The following TATDN2 variants were observed in gnomAD, a reference collection of about 807,000 sequenced individuals.
TATDN2 encodes 3'-5' RNA nuclease TATDN2.
A neutral mutation model predicts 60.3 loss-of-function variants in TATDN2; 44 were observed. The ratio of observed to expected loss-of-function variants is 0.73; its 90% confidence interval spans 0.57 to 0.94. The LOEUF is 0.94. TATDN2 is among the 40% of genes least tolerant of loss of function. The pLI, the probability that TATDN2 is intolerant of heterozygous loss-of-function variation, is 0.00. For missense variants in TATDN2, 997 were observed against 948.0 expected (o/e 1.05, Z -0.68); for synonymous variants, 399 against 355.8 (o/e 1.12, Z -1.37).
chr3:10,267,245 C>T (rs1698490900), intron 3 of TATDN2, among the ~76,000 whole-genome samples: 1 of 150,610 alleles, frequency 6.6e-6, no homozygotes, highest in African/African-American at 2.5e-5. Context: ...TATCGGCAGT[C>T]TCCTCCTATT....
At chr3:10,250,328 T>C (rs1442939802) in intron 2 of TATDN2, among the ~76,000 whole-genome samples, 1 of 151,938 alleles carries the variant, frequency 6.6e-6, no homozygotes, top group African/African-American at 2.4e-5. Flanking sequence ...CAAATATGTG[T>C]TGAGGGTTTA....
rs373691791 is a variant in TATDN2, at chr3:10,260,249, A to G, written c.527A>G (p.Asp176Gly). Residue 176 changes from aspartate to glycine, a missense_variant, in exon 3 of 8, where the codon GAT (aspartate) becomes GGT (glycine). Coordinates refer to ENST00000448281, the MANE Select transcript of TATDN2 (RefSeq NM_014760.4). Reference sequence around the variant, plus strand: ...AACAAGGTCCAGAAAAGGAAGAGGGATAGACTTCGAGACCAGGGCTCCACA... The same window carrying G: ...AACAAGGTCCAGAAAAGGAAGAGGGGTAGACTTCGAGACCAGGGCTCCACA... ...EPNKVQKRKRDRLRDQGSTMI... is the reference protein window; with the variant it reads ...EPNKVQKRKRGRLRDQGSTMI... 6.2e-6 allele frequency: 10 copies of G among 1,614,098 alleles called. No homozygotes were observed. The highest frequency in any genetic ancestry group is 8.5e-6 in the Non-Finnish European group (10 of 1,180,058).
intron 4 of TATDN2, among the ~76,000 whole-genome samples, chr3:10,275,271 G>A (rs928770172): frequency 6.6e-6 from 1 of 152,022 alleles, no homozygotes; most frequent in Admixed American, 6.6e-5. Flanking sequence ...GAGCCACCAC[G>A]CCTGGTGAAT....
intron 4 of TATDN2, among the ~76,000 whole-genome samples, chr3:10,275,941 C>T (rs1303002700): frequency 1.3e-5 from 2 of 152,126 alleles, no homozygotes; most frequent in African/African-American, 2.4e-5. Context: ...CTCTTGAGAG[C>T]GGAGGTGGGG....
intron 2 of TATDN2, among the ~76,000 whole-genome samples, chr3:10,259,856 G>A (rs963134528): frequency 7.2e-5 from 11 of 152,190 alleles, no homozygotes; most frequent in African/African-American, 2.7e-4. Flanking sequence ...TGCCTTCCAG[G>A]AGCTTGCAGT....
intron 2 of TATDN2, among the ~76,000 whole-genome samples, chr3:10,251,122 G>A (rs1258705897): frequency 1.3e-5 from 2 of 152,042 alleles, no homozygotes; most frequent in Non-Finnish European, 2.9e-5. Flanking sequence ...CCAATTTAAT[G>A]GTTTCAGTAG....
chr3:10,270,519 G>T lies in TATDN2; in HGVS notation c.1337G>T (p.Arg446Leu), dbSNP rs140057507. 3 of 1,614,196 alleles carry T rather than the reference G, an allele frequency of 1.9e-6. No homozygotes were observed. The East Asian group carries it at 6.7e-5, about 36-fold the overall frequency. ...ASEEGWSQNS[R>L]SFRFSRSSEE... is the part of the protein sequence containing the mutation. ...GAGGAAGGCTGGTCCCAGAATTCTC[G>T]TTCATTTCGCTTCTCCAGAAGCTCA... The change falls in exon 4 of 8, where the codon CGT (arginine) becomes CTT (leucine). Residue 446 changes from arginine to leucine, a missense_variant. By Grantham distance (102) the Arg-to-Leu change is moderately radical. Coordinates refer to ENST00000448281, the MANE Select transcript of TATDN2 (RefSeq NM_014760.4).
At chr3:10,256,829 G>A (rs1386776229) in intron 2 of TATDN2, among the ~76,000 whole-genome samples, 1 of 151,764 alleles carries the variant, frequency 6.6e-6, no homozygotes, top group East Asian at 2.0e-4. Flanking sequence ...TGGGACGGAG[G>A]CAAGGACATG....
intron 3 of TATDN2, among the ~76,000 whole-genome samples, chr3:10,266,931 C>CATTTTTTTT (rs1698484691): frequency 7.9e-6 from 1 of 126,904 alleles, no homozygotes; most frequent in Non-Finnish European, 1.6e-5. Flanking sequence ...CTAAGGCAGT[C>CATTTTTTTT]TTTTTTTTTT....
chr3:10,249,642 G>C, intron 2 of TATDN2, 28 bp downstream of exon 2: 4 of 1,498,826 alleles, frequency 2.7e-6, no homozygotes, highest in Non-Finnish European at 3.6e-6. Context: ...TTTGCAATCG[G>C]TGAAGCCCCT....
intron 4 of TATDN2, among the ~76,000 whole-genome samples, chr3:10,275,583 A>G (rs1698623596): frequency 6.6e-6 from 1 of 152,134 alleles, no homozygotes; most frequent in African/African-American, 2.4e-5. Context: ...CATCTCTACA[A>G]ACAAATACAG....
Position 10,249,602 on chromosome 3 carries a change from C to CTG in TATDN2, c.403_404dup (p.Ser136AlafsTer51). On this transcript the variant is annotated frameshift_variant, in exon 2 of 8. Coordinates refer to ENST00000448281, the MANE Select transcript of TATDN2 (RefSeq NM_014760.4). LOFTEE classifies it high-confidence loss of function. ...AAATGGCTTCTCTAGAGGAGGAAGC[C>CTG]TGCAGCCTTAAGGTAGGTGGCTGCC... 1 of 1,519,024 alleles carries CTG rather than the reference C, an allele frequency of 6.6e-7. No individual in the cohort carries two copies. The highest frequency in any genetic ancestry group is 8.8e-7 in the Non-Finnish European group (1 of 1,134,816). 94.1% of individuals were successfully genotyped at this position (1,519,024 alleles called of 1,614,324 possible). A position where few individuals can be genotyped will look rare whatever the true frequency, so the allele number is the denominator to read the frequency against.
At position 10,250,887 on chromosome 3, in the gene TATDN2, T is replaced by C. The variant is rs910782150; in HGVS notation, c.414+1273T>C. 3.3e-5 allele frequency among the ~76,000 whole-genome samples: 5 copies of C among 152,190 alleles called. No homozygotes were observed. In the East Asian group the frequency reaches 9.6e-4, roughly 29 times the overall value. ...TGGGTACAGCATAAAATAATACCAGTTGATTCAATTTAGCTTCACTGACAA... is the reference window on the plus strand; with the variant it reads ...TGGGTACAGCATAAAATAATACCAGCTGATTCAATTTAGCTTCACTGACAA... On this transcript the variant is annotated intron_variant, in intron 2 of 7. Coordinates refer to ENST00000448281, the MANE Select transcript of TATDN2 (RefSeq NM_014760.4).
intron 2 of TATDN2, among the ~76,000 whole-genome samples, chr3:10,250,650 T>G (rs868371922): frequency 6.6e-6 from 1 of 152,238 alleles, no homozygotes; most frequent in Non-Finnish European, 1.5e-5. Flanking sequence ...ACTCATAGGC[T>G]AAGTGCCCCT....
At chr3:10,257,294 T>TTATATATATACATATATATATATATA (rs1698321848) in intron 2 of TATDN2, among the ~76,000 whole-genome samples, 1 of 133,546 alleles carries the variant, frequency 7.5e-6, no homozygotes, top group South Asian at 2.5e-4. Context: ...CAAAAAAAAA[T>TTATATATATACATATATATATATATA]TATATATATA....
chr3:10,260,392 C>G lies in TATDN2; in HGVS notation c.670C>G (p.Pro224Ala), dbSNP rs147562335. ...AAEHPSHGEG[P>A]ARSEGPAKTA... Reference sequence around the variant, plus strand: ...AGAGCATCCCAGCCATGGAGAAGGACCAGCCAGGAGTGAAGGACCAGCCAA... The same window carrying G: ...AGAGCATCCCAGCCATGGAGAAGGAGCAGCCAGGAGTGAAGGACCAGCCAA... The change falls in exon 3 of 8, where the codon CCA becomes GCA. Residue 224 changes from proline (P) to alanine (A), a missense_variant. By Grantham distance (27) the Pro-to-Ala change is conservative (BLOSUM62 -1). Coordinates refer to ENST00000448281, the MANE Select transcript of TATDN2 (RefSeq NM_014760.4). The G allele has an allele frequency of 2.0e-4, 315 of 1,613,700 alleles. 2 individuals carry two copies. In the African/African-American group the frequency reaches 3.7e-3, roughly 19 times the overall value.
intron 4 of TATDN2, among the ~76,000 whole-genome samples, chr3:10,274,066 C>T (rs1444845099): frequency 6.6e-6 from 1 of 152,172 alleles, no homozygotes; most frequent in Admixed American, 6.5e-5. Context: ...AGTTAGGAAG[C>T]CAACCTTATG....
At chr3:10,265,200 C>T (rs1435033482) in intron 3 of TATDN2, among the ~76,000 whole-genome samples, 1 of 150,568 alleles carries the variant, frequency 6.6e-6, no homozygotes, top group East Asian at 2.0e-4. Context: ...TTTCAGCCTC[C>T]TGAGCAGCTG....
intron 3 of TATDN2, among the ~76,000 whole-genome samples, chr3:10,266,600 C>T (rs1056394775): frequency 2.0e-5 from 3 of 152,186 alleles, no homozygotes; most frequent in African/African-American, 7.2e-5. Flanking sequence ...AATACAGGGT[C>T]AGATGCATTT....
Sources: gnomAD v4.1 joint callset for allele counts (sites outside exome capture counted in the v4.1 genomes callset) on GRCh38, gnomAD v4.1.1 for gene constraint, MANE v1.5 for transcripts, NCBI Gene and HGNC (gene_info 2026-07-23, HGNC 2026-07-21) for gene names.